DPP10: variants seen among roughly 807,000 people sequenced by gnomAD.
DPP10 encodes the protein dipeptidyl peptidase like 10, also known as inactive dipeptidyl peptidase 10.
DPP10 carries 33 observed loss-of-function variants against 120.9 expected under a neutral mutation model. The observed-to-expected ratio is 0.27, with a 90% CI of 0.21 to 0.37. The LOEUF (loss-of-function observed/expected upper bound fraction) is 0.37, where lower values mean the gene tolerates loss of function less well. DPP10 is among the 10% of genes least tolerant of loss of function. The pLI is 1.00. For missense variants in DPP10, 816 were observed against 942.8 expected (o/e 0.87, Z 1.76); for synonymous variants, 337 against 326.1 (o/e 1.03, Z -0.36).
intron 5 of DPP10, among the ~76,000 whole-genome samples, chr2:115,605,788 C>T (rs1037057753): frequency 6.6e-6 from 1 of 151,914 alleles, no homozygotes. Context: ...TCTGGAGCAC[C>T]TAGTATGTGA....
chr2:115,756,174 G>C (rs1429431963), intron 11 of DPP10, among the ~76,000 whole-genome samples: 1 of 152,014 alleles, frequency 6.6e-6, no homozygotes, highest in Non-Finnish European at 1.5e-5. Flanking sequence ...GCTTATAAGA[G>C]TCTGAAAAGC....
At chr2:115,654,853 CTGAT>C (rs2088145401) in intron 5 of DPP10, among the ~76,000 whole-genome samples, 1 of 151,766 alleles carries the variant, frequency 6.6e-6, no homozygotes, top group African/African-American at 2.4e-5. Context: ...GATGAAGTAG[CTGAT>C]AGGGTCATTA....
chr2:115,264,354 TATGTGTCTTTTA>T (rs1287567132), intron 1 of DPP10, among the ~76,000 whole-genome samples: 1 of 152,210 alleles, frequency 6.6e-6, no homozygotes, highest in Non-Finnish European at 1.5e-5. Flanking sequence ...TTCAGGTATC[TATGTGTCTTTTA>T]ATCTGGAGCC....
intron 7 of DPP10, among the ~76,000 whole-genome samples, chr2:115,715,028 C>CA (rs70941091): frequency 0.42 from 27,602 of 65,964 alleles, 5,880 homozygotes; most frequent in Non-Finnish European, 0.5. Flanking sequence ...GACTCTGTCT[C>CA]AAAAAAAAAA....
chr2:115,655,833 A>G (rs574534145), intron 5 of DPP10, among the ~76,000 whole-genome samples: 10 of 151,648 alleles, frequency 6.6e-5, no homozygotes, highest in Admixed American at 4.0e-4. Context: ...ATAAATACAA[A>G]TAATTTCTTA....
chr2:115,465,908 A>G (rs559705904), intron 3 of DPP10, among the ~76,000 whole-genome samples: 2 of 152,182 alleles, frequency 1.3e-5, no homozygotes, highest in African/African-American at 4.8e-5. Flanking sequence ...AGAGTTTGCC[A>G]TGAGTCAAAC....
At chr2:115,794,063 T>C (rs1214939401) in intron 19 of DPP10, among the ~76,000 whole-genome samples, 1 of 152,168 alleles carries the variant, frequency 6.6e-6, no homozygotes, top group Non-Finnish European at 1.5e-5. Context: ...TGACTTCCCA[T>C]TCTAAAAGTA....
chr2:115,414,526 C>G (rs2069215113), intron 3 of DPP10, among the ~76,000 whole-genome samples: 1 of 152,120 alleles, frequency 6.6e-6, no homozygotes, highest in Non-Finnish European at 1.5e-5. Context: ...TTCAGACAAG[C>G]TTTTATTTCT....
chr2:114,816,817 G>A (rs767575951), intron 1 of DPP10, among the ~76,000 whole-genome samples: 10 of 152,158 alleles, frequency 6.6e-5, no homozygotes, highest in Admixed American at 1.3e-4. Flanking sequence ...AGGCAAGAAC[G>A]CTTGGGGGTA....
intron 1 of DPP10, among the ~76,000 whole-genome samples, chr2:115,173,811 A>C (rs1043980981): frequency 2.0e-5 from 3 of 152,194 alleles, no homozygotes; most frequent in African/African-American, 7.2e-5. Flanking sequence ...GAATCTTACA[A>C]CCGACTATGT....
chr2:114,946,253 TA>T (rs1228412498), intron 1 of DPP10, among the ~76,000 whole-genome samples: 1 of 152,222 alleles, frequency 6.6e-6, no homozygotes, highest in East Asian at 1.9e-4. Flanking sequence ...ATGCTAATGA[TA>T]GGGGAAAGTG....
At chr2:114,701,674 A>G (rs1276555627) in intron 1 of DPP10, among the ~76,000 whole-genome samples, 6 of 152,096 alleles carry the variant, frequency 3.9e-5, no homozygotes, top group Non-Finnish European at 1.5e-5. Flanking sequence ...GTACCTTTCA[A>G]TCGAAACCCA....
intron 5 of DPP10, among the ~76,000 whole-genome samples, chr2:115,581,162 G>A (rs1227950823): frequency 6.6e-6 from 1 of 152,190 alleles, no homozygotes; most frequent in African/African-American, 2.4e-5. Context: ...TCTTGGTGGA[G>A]AAGCTGATGC....
chr2:115,380,354 A>T (rs1237634408), intron 3 of DPP10, among the ~76,000 whole-genome samples: 1 of 152,136 alleles, frequency 6.6e-6, no homozygotes, highest in Non-Finnish European at 1.5e-5. Flanking sequence ...AGTATGTTTT[A>T]TCAGAGACTA....
chr2:115,067,881 GAAAA>G, intron 1 of DPP10, among the ~76,000 whole-genome samples: 1 of 126,670 alleles, frequency 7.9e-6, no homozygotes, highest in Non-Finnish European at 1.7e-5. Flanking sequence ...AAAAAAAAAA[GAAAA>G]AAAAGAAAAA....
intron 1 of DPP10, among the ~76,000 whole-genome samples, chr2:114,658,729 A>G (rs1697155918): frequency 1.3e-5 from 2 of 152,186 alleles, no homozygotes; most frequent in African/African-American, 2.4e-5. Flanking sequence ...CTACAGGTGT[A>G]TCCCAATTTT....
At chr2:115,245,099 A>AT (rs1315227545) in intron 1 of DPP10, among the ~76,000 whole-genome samples, 1 of 151,732 alleles carries the variant, frequency 6.6e-6, no homozygotes, top group Non-Finnish European at 1.5e-5. Context: ...GTGATATTTG[A>AT]TTTTCCATCC....
chr2:115,137,666 C>T lies in DPP10; in HGVS notation c.61-171573C>T, dbSNP rs72837529. Among the ~76,000 whole-genome samples, 214 of 152,160 alleles carry T rather than the reference C, an allele frequency of 1.4e-3. 2 individuals are homozygous for T. The highest frequency in any genetic ancestry group is 4.7e-3 in the African/African-American group (195 of 41,496). On this transcript the variant is annotated intron_variant, in intron 1 of 25. Coordinates refer to ENST00000410059, the MANE Select transcript of DPP10 (RefSeq NM_020868.6). ...GAGAGAGCTGTCCATTCATAACTGG[C>T]GGGCTACAGAGGGCAGAAATCATTC...
intron 1 of DPP10, among the ~76,000 whole-genome samples, chr2:114,757,536 G>A (rs1235471092): frequency 6.6e-6 from 1 of 152,134 alleles, no homozygotes; most frequent in African/African-American, 2.4e-5. Flanking sequence ...CTAAGAGAAA[G>A]GGTACAAAAA....
Sources: gnomAD v4.1 joint callset for allele counts (sites outside exome capture counted in the v4.1 genomes callset) on GRCh38, gnomAD v4.1.1 for gene constraint, MANE v1.5 for transcripts, NCBI Gene and HGNC (gene_info 2026-07-23, HGNC 2026-07-21) for gene names.